DOCK3: variants seen among roughly 807,000 people sequenced by gnomAD.
DOCK3 encodes dedicator of cytokinesis 3, also known as dedicator of cytokinesis protein 3.
A neutral mutation model predicts 265.6 loss-of-function variants in DOCK3; 60 were observed. That is an observed-to-expected ratio of 0.23 (90% CI 0.18 to 0.28). The LOEUF (loss-of-function observed/expected upper bound fraction) is 0.28. DOCK3 is among the 10% of genes least tolerant of loss of function. The pLI, the probability that DOCK3 is intolerant of heterozygous loss-of-function variation, is 1.00. For synonymous variants in DOCK3, 881 were observed against 938.0 expected (o/e 0.94, Z 1.11); for missense variants, 1,981 against 2,594.3 (o/e 0.76, Z 5.14).
intron 4 of DOCK3, among the ~76,000 whole-genome samples, chr3:50,909,697 TG>T (rs1055871977): frequency 2.7e-5 from 4 of 150,728 alleles, no homozygotes; most frequent in African/African-American, 9.8e-5. Context: ...TTATGTGTCT[TG>T]GGGTTGATCT....
rs2085895693 is a variant in DOCK3, at chr3:51,350,400, C to T, written c.4107+8C>T. 1 of 1,606,440 alleles carries T rather than the reference C, an allele frequency of 6.2e-7. No individual in the cohort carries two copies. The highest frequency in any genetic ancestry group is 8.5e-7 in the Non-Finnish European group (1 of 1,177,676). On this transcript the variant is annotated splice_region_variant and intron_variant, in intron 40 of 52. Coordinates refer to ENST00000266037, the MANE Select transcript of DOCK3 (RefSeq NM_004947.5). ...TTTCCTTTCTTTCTTCGGGTGAGTC[C>T]ATTCAGATGGTCACAAGAACTTATA... is the stretch of plus-strand genomic sequence containing the variant.
At chr3:51,040,597 A>G (rs1038409111) in intron 5 of DOCK3, among the ~76,000 whole-genome samples, 6 of 152,106 alleles carry the variant, frequency 3.9e-5, no homozygotes, top group Admixed American at 2.0e-4. Flanking sequence ...TGTTGCATCA[A>G]TTGACTGTTC....
intron 12 of DOCK3, among the ~76,000 whole-genome samples, chr3:51,161,561 C>G (rs1576285473): frequency 6.6e-6 from 1 of 152,152 alleles, no homozygotes; most frequent in East Asian, 1.9e-4. Flanking sequence ...AATTCTGAAA[C>G]AGCTTCATTT....
chr3:51,311,903 A>G, intron 28 of DOCK3, 101 bp from the exon 29 acceptor site: 1 of 750,228 alleles, frequency 1.3e-6, no homozygotes, highest in Non-Finnish European at 2.1e-6. Context: ...AACAAATTGT[A>G]CTCAAGAAGT....
chr3:51,318,616 T>A (rs1427494355), intron 32 of DOCK3, among the ~76,000 whole-genome samples: 3 of 152,064 alleles, frequency 2.0e-5, no homozygotes, highest in Non-Finnish European at 4.4e-5. Context: ...CCCTTTATTG[T>A]CAAGTATGCA....
rs2090306819 is a variant in DOCK3, at chr3:51,225,875, A to C, written c.1377+102A>C. The stretch of plus-strand genomic sequence containing the variant: ...ATTCTCTTCAAGCAGGATTAAAATC[A>C]CCCCATCAGCCTTTTTCTCTGCCTT... On this transcript the variant is annotated intron_variant, in intron 15 of 52. Coordinates refer to ENST00000266037, the MANE Select transcript of DOCK3 (RefSeq NM_004947.5). 4.3e-6 allele frequency: 6 copies of C among 1,403,812 alleles called. No individual in the cohort carries two copies. The South Asian group carries it at 9.6e-5, about 22-fold the overall frequency. 87.0% of individuals were successfully genotyped at this position (1,403,812 alleles called of 1,614,324 possible).
Position 51,160,565 on chromosome 3 carries a change from C to G in DOCK3, c.900C>G (p.Leu300=), listed in dbSNP as rs763402596. Residue 300 remains leucine (L), a synonymous_variant, in exon 12 of 53, where the codon CTC becomes CTG. Coordinates refer to ENST00000266037, the MANE Select transcript of DOCK3 (RefSeq NM_004947.5). ...VAHVIRIGRM[L]LNDSKKGPPH... The stretch of plus-strand genomic sequence containing the variant: ...TCTGCTGTGCCCAAGGCCGGATGCT[C>G]CTGAACGACTCAAAGAAAGGTCCTC... 6.2e-7 allele frequency: 1 copy of G among 1,611,620 alleles called. No individual in the cohort carries two copies. The highest frequency in any genetic ancestry group is 1.7e-5 in the Admixed American group (1 of 59,526).
At chr3:51,074,116 T>C (rs918090476) in intron 6 of DOCK3, among the ~76,000 whole-genome samples, 1 of 152,166 alleles carries the variant, frequency 6.6e-6, no homozygotes, top group African/African-American at 2.4e-5. Flanking sequence ...TTCTCTATAA[T>C]CCCATGGAAT....
intron 9 of DOCK3, among the ~76,000 whole-genome samples, chr3:51,111,798 T>G (rs2083530690): frequency 6.6e-6 from 1 of 152,142 alleles, no homozygotes. Flanking sequence ...GATAAAATTT[T>G]TGCAACCTGT....
At chr3:51,067,958 C>A (rs577359715) in intron 6 of DOCK3, among the ~76,000 whole-genome samples, 109 of 152,316 alleles carry the variant, frequency 7.2e-4, no homozygotes, top group African/African-American at 2.6e-3. Context: ...TTCCACACTT[C>A]TTGTTCCACC....
intron 49 of DOCK3, among the ~76,000 whole-genome samples, chr3:51,370,589 G>A (rs1372248804): frequency 6.6e-6 from 1 of 152,246 alleles, no homozygotes; most frequent in Non-Finnish European, 1.5e-5. Context: ...TTTACTGAAT[G>A]CTCAGTGAGG....
At chr3:51,140,869 A>G (rs539155418) in intron 9 of DOCK3, among the ~76,000 whole-genome samples, 5 of 152,198 alleles carry the variant, frequency 3.3e-5, no homozygotes, top group South Asian at 4.1e-4. Flanking sequence ...ACATCTTTTC[A>G]TGTGTTTATT....
intron 5 of DOCK3, among the ~76,000 whole-genome samples, chr3:51,006,252 CT>C (rs11435468): frequency 4.9e-5 from 7 of 144,004 alleles, no homozygotes; most frequent in African/African-American, 1.8e-4. Context: ...CCCAATCCTG[CT>C]TTTTTTTTTT....
intron 14 of DOCK3, among the ~76,000 whole-genome samples, chr3:51,223,163 T>C (rs1297063644): frequency 2.0e-5 from 3 of 152,188 alleles, no homozygotes; most frequent in Non-Finnish European, 4.4e-5. Context: ...TTTGGACTCT[T>C]AGCCTCAAAC....
chr3:50,994,837 G>A lies in DOCK3; in HGVS notation c.315+60760G>A, dbSNP rs2078224585. Reference sequence around the variant, plus strand: ...AGATAAGATATATAAAGAGCACATAGCACAGTGCCTGGAGCACTCTAAGAG... The same window carrying A: ...AGATAAGATATATAAAGAGCACATAACACAGTGCCTGGAGCACTCTAAGAG... On this transcript the variant is annotated intron_variant, in intron 5 of 52. Transcript: ENST00000266037. Among the ~76,000 whole-genome samples, 4 of 152,270 alleles carry A rather than the reference G, an allele frequency of 2.6e-5. No individual in the cohort carries two copies. The South Asian group carries it at 8.3e-4, about 32-fold the overall frequency.
At chr3:50,729,046 C>A (rs1327441406) in intron 1 of DOCK3, among the ~76,000 whole-genome samples, 1 of 136,386 alleles carries the variant, frequency 7.3e-6, no homozygotes, top group Non-Finnish European at 1.6e-5. Flanking sequence ...TTTGGCCAGG[C>A]ACGGTGGCTC....
chr3:51,313,044 A>G (rs1156661557), intron 31 of DOCK3, 142 bp downstream of exon 31: 7 of 775,714 alleles, frequency 9.0e-6, no homozygotes, highest in Admixed American at 2.3e-5. Context: ...AACACCTCAG[A>G]TGGATGGTGT....
chr3:50,697,035 A>G (rs1451812525), intron 1 of DOCK3, among the ~76,000 whole-genome samples: 1 of 151,290 alleles, frequency 6.6e-6, no homozygotes, highest in African/African-American at 2.4e-5. Flanking sequence ...GGTTAAAGCA[A>G]TCCTCCCCCT....
intron 12 of DOCK3, among the ~76,000 whole-genome samples, chr3:51,172,175 G>A (rs942318527): frequency 8.8e-4 from 75 of 85,364 alleles, no homozygotes; most frequent in Non-Finnish European, 1.2e-3. Context: ...ATGGAATATC[G>A]TTTCTTTTTT....
Sources: allele counts gnomAD v4.1 joint callset (sites outside exome capture counted in the v4.1 genomes callset), GRCh38; gene constraint gnomAD v4.1.1; transcripts MANE v1.5; gene names NCBI Gene and HGNC (gene_info 2026-07-23, HGNC 2026-07-21).